Variants in SPEF2 observed in about 807,000 individuals in gnomAD.
SPEF2 encodes sperm flagella and cilia-associated protein 2.
In SPEF2, 187 loss-of-function variants were observed where a neutral mutation model predicts 224.6. That is an observed-to-expected ratio of 0.83 (90% CI 0.74 to 0.94). The LOEUF (loss-of-function observed/expected upper bound fraction) is 0.94. Ranked by LOEUF, SPEF2 falls within the 40% of genes least tolerant of loss-of-function variation. The pLI is 0.00. For synonymous variants in SPEF2, 715 were observed against 707.3 expected (o/e 1.01, Z -0.17); for missense variants, 2,170 against 2,135.6 (o/e 1.02, Z -0.32).
intron 10 of SPEF2, among the ~76,000 whole-genome samples, chr5:35,688,140 C>T (rs1243606909): frequency 2.6e-5 from 4 of 152,158 alleles, no homozygotes; most frequent in Non-Finnish European, 5.9e-5. Context: ...TCACTGCCAC[C>T]ACCACCCCAG....
intron 24 of SPEF2, among the ~76,000 whole-genome samples, chr5:35,756,353 A>G (rs1750445574): frequency 2.0e-5 from 3 of 152,222 alleles, no homozygotes; most frequent in Admixed American, 2.0e-4. Context: ...GGGAGTGTCT[A>G]CTGTATTCCT....
intron 1 of SPEF2, among the ~76,000 whole-genome samples, chr5:35,621,692 C>T (rs6884516): frequency 0.016 from 2,488 of 152,230 alleles, 89 homozygotes; most frequent in African/African-American, 0.058. Context: ...TTAGAAGTGG[C>T]CCAGCCCATA....
intron 12 of SPEF2, 72 bp from the exon 13 acceptor site, chr5:35,694,216 A>C: frequency 1.8e-6 from 2 of 1,130,922 alleles, no homozygotes; most frequent in Admixed American, 4.0e-5. Context: ...TTACTTATAG[A>C]TATAAAATTA....
intron 20 of SPEF2, among the ~76,000 whole-genome samples, chr5:35,720,140 T>G (rs10077176): frequency 0.039 from 5,963 of 152,244 alleles, 192 homozygotes; most frequent in African/African-American, 0.075. Context: ...CAACTATATT[T>G]CCATAAGAAT....
At chr5:35,672,237 ATTATAAT>A (rs1322817155) in intron 10 of SPEF2, among the ~76,000 whole-genome samples, 2 of 131,630 alleles carry the variant, frequency 1.5e-5, no homozygotes, top group Non-Finnish European at 3.2e-5. Context: ...CATAATGTTC[ATTATAAT>A]GTTATTGAAC....
intron 10 of SPEF2, among the ~76,000 whole-genome samples, chr5:35,686,854 C>T (rs1305699956): frequency 6.6e-6 from 1 of 151,936 alleles, no homozygotes; most frequent in African/African-American, 2.4e-5. Context: ...CTTAACCTTT[C>T]ATCAAATATA....
At chr5:35,796,516 G>T (rs1030693863) in intron 33 of SPEF2, among the ~76,000 whole-genome samples, 9 of 152,048 alleles carry the variant, frequency 5.9e-5, no homozygotes, top group Admixed American at 5.2e-4. Flanking sequence ...GGAGGTTGAG[G>T]CAGGAGAATG....
At chr5:35,662,184 T>TA (rs1322102746) in intron 8 of SPEF2, among the ~76,000 whole-genome samples, 1 of 152,198 alleles carries the variant, frequency 6.6e-6, no homozygotes, top group African/African-American at 2.4e-5. Flanking sequence ...TCAGTGATGT[T>TA]AAGCTTTTTT....
At chr5:35,806,275 C>T (rs1281395014) in intron 34 of SPEF2, among the ~76,000 whole-genome samples, 4 of 152,162 alleles carry the variant, frequency 2.6e-5, no homozygotes, top group Non-Finnish European at 4.4e-5. Flanking sequence ...GGATATCCTC[C>T]AGTGTCCAAA....
chr5:35,799,982 A>G lies in SPEF2; in HGVS notation c.4845A>G (p.Leu1615=), dbSNP rs1757209590. Residue 1615 remains leucine (L), a synonymous_variant, in exon 34 of 37, where the codon CTA becomes CTG. Transcript: ENST00000356031. ...TTTGTGTGCAGTTTTTCTTTAGGCT[A>G]TTTGCTGACTATGAGAAGGATCCAC... ...QEHLIEFFFR[L]FADYEKDPPQ... is the part of the protein sequence containing the mutation. 1.9e-6 allele frequency: 3 copies of G among 1,613,692 alleles called. No homozygotes were observed. The highest frequency in any genetic ancestry group is 2.2e-5 in the East Asian group (1 of 44,864).
chr5:35,746,208 T>C (rs1748500566), intron 23 of SPEF2, among the ~76,000 whole-genome samples: 1 of 152,160 alleles, frequency 6.6e-6, no homozygotes, highest in Non-Finnish European at 1.5e-5. Context: ...TTGCAGAGCC[T>C]ACCCAAATGA....
chr5:35,798,825 G>A (rs1757030989), intron 33 of SPEF2, among the ~76,000 whole-genome samples: 2 of 152,052 alleles, frequency 1.3e-5, no homozygotes, highest in South Asian at 4.2e-4. Flanking sequence ...AACTCTGTTG[G>A]AGTTGGAGTG....
intron 20 of SPEF2, among the ~76,000 whole-genome samples, chr5:35,713,378 A>G (rs1271976505): frequency 6.6e-6 from 1 of 152,132 alleles, no homozygotes; most frequent in Non-Finnish European, 1.5e-5. Context: ...GAACTCTTGA[A>G]GTTTTTGAGA....
chr5:35,759,754 T>C, intron 25 of SPEF2, 35 bp downstream of exon 25: 1 of 1,477,896 alleles, frequency 6.8e-7, no homozygotes, highest in Non-Finnish European at 9.1e-7. Flanking sequence ...TGTAATTGTT[T>C]TGAACATAAA....
intron 10 of SPEF2, among the ~76,000 whole-genome samples, chr5:35,678,040 G>T (rs1316976886): frequency 6.6e-6 from 1 of 152,228 alleles, no homozygotes; most frequent in Non-Finnish European, 1.5e-5. Flanking sequence ...AGTGACCATT[G>T]TCACACGCTG....
chr5:35,666,279 A>G (rs1750450983), intron 8 of SPEF2, among the ~76,000 whole-genome samples: 1 of 152,184 alleles, frequency 6.6e-6, no homozygotes. Flanking sequence ...TGGCGTAGCT[A>G]TCTGAAAAGC....
In SPEF2 at chr5:35,795,734, T is replaced by C; in HGVS notation, c.4769T>C (p.Ile1590Thr). 1 of 1,614,050 alleles carries C rather than the reference T, an allele frequency of 6.2e-7. No homozygotes were observed. The highest frequency in any genetic ancestry group is 1.3e-5 in the African/African-American group (1 of 75,052). The change falls in exon 33 of 37, where the codon ATA (isoleucine) becomes ACA (threonine). Residue 1590 changes from isoleucine (I) to threonine (T), a missense_variant. Ile to Thr is a moderately conservative substitution (Grantham distance 89). Coordinates refer to ENST00000356031, the MANE Select transcript of SPEF2 (RefSeq NM_024867.4). ...CTGTGGTTTACAGGAGATGAAGATA[T>C]AAAAATTCCAGAAAATCCTCTTGAA... ...AGLWFTGDED[I>T]KIPENPLEPL...
At chr5:35,764,461 C>A (rs1458529141) in intron 26 of SPEF2, 2 of 410,348 alleles carry the variant, frequency 4.9e-6, no homozygotes, top group African/African-American at 4.1e-5. Context: ...TAACTTTAAT[C>A]CAAGCAGAAG....
chr5:35,801,569 G>A (rs1471852845), intron 34 of SPEF2, among the ~76,000 whole-genome samples: 1 of 152,086 alleles, frequency 6.6e-6, no homozygotes, highest in Non-Finnish European at 1.5e-5. Flanking sequence ...GCATTCACGG[G>A]CACTGCATTT....
Sources: gnomAD v4.1 joint callset for allele counts (sites outside exome capture counted in the v4.1 genomes callset) on GRCh38, gnomAD v4.1.1 for gene constraint, MANE v1.5 for transcripts, NCBI Gene and HGNC (gene_info 2026-07-23, HGNC 2026-07-21) for gene names.